The following CADM2 variants were observed in gnomAD, a reference collection of about 807,000 sequenced individuals.
CADM2 encodes the protein cell adhesion molecule 2.
Under a neutral mutation model 49.8 loss-of-function variants are expected in CADM2, and 12 were observed. That is an observed-to-expected ratio of 0.24 (90% CI 0.15 to 0.39). The LOEUF is 0.39. Ranked by LOEUF, CADM2 falls within the 10% of genes least tolerant of loss-of-function variation. The pLI is 1.00. For missense variants in CADM2, 378 were observed against 492.3 expected, an observed-to-expected ratio of 0.77 and a Z score of 2.20; for synonymous variants, 214 against 175.4, an observed-to-expected ratio of 1.22 and a Z score of -1.74.
chr3:85,535,098 T>C (rs2061396870), intron 1 of CADM2, among the ~76,000 whole-genome samples: 1 of 152,158 alleles, frequency 6.6e-6, no homozygotes, highest in African/African-American at 2.4e-5. Context: ...TCATTTTGTA[T>C]TTACAGACTC....
chr3:86,027,932 T>A (rs1042901280), intron 8 of CADM2: 1 of 151,470 alleles, frequency 6.6e-6, no homozygotes, highest in Admixed American at 6.6e-5. Flanking sequence ...ATCTGTATTG[T>A]CACATTACTT....
chr3:85,581,831 A>C (rs1172245599), intron 1 of CADM2, among the ~76,000 whole-genome samples: 1 of 152,188 alleles, frequency 6.6e-6, no homozygotes, highest in Non-Finnish European at 1.5e-5. Context: ...TACTTCAAAA[A>C]AAAAAAAGGT....
intron 1 of CADM2, among the ~76,000 whole-genome samples, chr3:85,236,669 A>G (rs1324923656): frequency 2.6e-5 from 4 of 152,146 alleles, no homozygotes; most frequent in African/African-American, 9.6e-5. Context: ...ATATTTGTAT[A>G]CATAACAAGC....
At chr3:85,824,566 G>C (rs1472242248) in intron 3 of CADM2, among the ~76,000 whole-genome samples, 1 of 152,140 alleles carries the variant, frequency 6.6e-6, no homozygotes, top group Non-Finnish European at 1.5e-5. Context: ...AGAGAACCAA[G>C]TGTGCAATCA....
intron 2 of CADM2, among the ~76,000 whole-genome samples, chr3:85,772,813 C>A (rs188634315): frequency 3.7e-4 from 56 of 151,070 alleles, no homozygotes; most frequent in African/African-American, 1.3e-3. Flanking sequence ...TTTTTTTTCC[C>A]TCACAGCTGC....
chr3:85,668,288 A>G (rs1260608514), intron 1 of CADM2, among the ~76,000 whole-genome samples: 1 of 114,600 alleles, frequency 8.7e-6, no homozygotes, highest in Non-Finnish European at 1.7e-5. Flanking sequence ...TTTTCCTAGT[A>G]CCAAAGCAAA....
chr3:85,138,538 AT>A (rs1486000376), intron 1 of CADM2, among the ~76,000 whole-genome samples: 1 of 152,164 alleles, frequency 6.6e-6, no homozygotes, highest in East Asian at 1.9e-4. Flanking sequence ...TTTCTTGCTA[AT>A]TTTTAATGGT....
chr3:85,450,239 A>G (rs1447057836), intron 1 of CADM2, among the ~76,000 whole-genome samples: 2 of 152,144 alleles, frequency 1.3e-5, no homozygotes, highest in African/African-American at 4.8e-5. Flanking sequence ...CACATATGTT[A>G]TGGTCTAATT....
chr3:85,194,966 C>A (rs940291589), intron 1 of CADM2, among the ~76,000 whole-genome samples: 2 of 151,958 alleles, frequency 1.3e-5, no homozygotes, highest in African/African-American at 2.4e-5. Context: ...CCTCAGCCTC[C>A]TGAGTGGCTA....
At chr3:85,374,479 C>T (rs1454363453) in intron 1 of CADM2, among the ~76,000 whole-genome samples, 1 of 152,168 alleles carries the variant, frequency 6.6e-6, no homozygotes. Flanking sequence ...AGCCCTCCAA[C>T]CTCTGTTTGG....
chr3:85,684,367 C>G (rs1417370377), intron 1 of CADM2, among the ~76,000 whole-genome samples: 2 of 152,078 alleles, frequency 1.3e-5, no homozygotes, highest in African/African-American at 4.8e-5. Flanking sequence ...CTAGATCTTA[C>G]ATTCCCACTG....
At chr3:85,020,930 A>G (rs944435489) in intron 1 of CADM2, among the ~76,000 whole-genome samples, 99 of 152,084 alleles carry the variant, frequency 6.5e-4, no homozygotes, top group African/African-American at 2.4e-3. Flanking sequence ...AATTCATATT[A>G]TATGGCATTA....
chr3:85,456,096 A>G (rs2196098), intron 1 of CADM2, among the ~76,000 whole-genome samples: 25,291 of 152,156 alleles, frequency 0.17, 2,645 homozygotes, highest in Non-Finnish European at 0.23. Context: ...GGAGTTTTGG[A>G]TCTGCCTGTC....
intron 1 of CADM2, among the ~76,000 whole-genome samples, chr3:85,082,378 A>G (rs1052916533): frequency 5.9e-5 from 9 of 152,196 alleles, no homozygotes; most frequent in African/African-American, 2.2e-4. Context: ...TCTTGTTTGT[A>G]CTACAATGCA....
chr3:85,217,533 C>T (rs2041956682), intron 1 of CADM2, among the ~76,000 whole-genome samples: 1 of 151,962 alleles, frequency 6.6e-6, no homozygotes, highest in Non-Finnish European at 1.5e-5. Flanking sequence ...ACCAATTCAC[C>T]TACATTTATG....
chr3:84,995,855 G>C (rs2033154711), intron 1 of CADM2, among the ~76,000 whole-genome samples: 1 of 152,020 alleles, frequency 6.6e-6, no homozygotes, highest in South Asian at 2.1e-4. Context: ...GTAGTGGTTG[G>C]TCAAAGATGG....
chr3:85,134,452 T>C (rs985339925), intron 1 of CADM2, among the ~76,000 whole-genome samples: 29 of 152,268 alleles, frequency 1.9e-4, no homozygotes, highest in African/African-American at 6.5e-4. Flanking sequence ...TAGTAGTATA[T>C]AAGGATGTTT....
intron 1 of CADM2, among the ~76,000 whole-genome samples, chr3:85,462,411 G>A (rs1055369605): frequency 6.6e-6 from 1 of 152,062 alleles, no homozygotes; most frequent in Non-Finnish European, 1.5e-5. Flanking sequence ...TGAAAAAGTA[G>A]CCTAAGTCAC....
At chr3:85,449,783 A>G (rs1451811629) in intron 1 of CADM2, among the ~76,000 whole-genome samples, 1 of 152,196 alleles carries the variant, frequency 6.6e-6, no homozygotes, top group Non-Finnish European at 1.5e-5. Context: ...TAGATTTCTT[A>G]TTCCACAGAT....
Sources: gnomAD v4.1 joint callset for allele counts (sites outside exome capture counted in the v4.1 genomes callset) on GRCh38, gnomAD v4.1.1 for gene constraint, MANE v1.5 for transcripts, NCBI Gene and HGNC (gene_info 2026-07-23, HGNC 2026-07-21) for gene names.